RBM5: variants seen among roughly 807,000 people sequenced by gnomAD.
RBM5 encodes the protein RNA binding motif protein 5.
Under a neutral mutation model 124.6 loss-of-function variants are expected in RBM5, and 15 were observed. That is an observed-to-expected ratio of 0.12 (90% CI 0.08 to 0.19). The LOEUF (loss-of-function observed/expected upper bound fraction) is 0.19, where lower values mean the gene tolerates loss of function less well. Ranked by LOEUF, RBM5 falls within the 10% of genes least tolerant of loss-of-function variation. The probability of loss-of-function intolerance (pLI) is 1.00; values close to 1 mark genes in which losing one functional copy is unlikely to be tolerated. For missense variants in RBM5, 580 were observed against 1,026.5 expected (o/e 0.57, Z 5.94); for synonymous variants, 337 against 361.2 (o/e 0.93, Z 0.76).
intron 4 of RBM5, 115 bp from the exon 5 acceptor site, chr3:50,099,867 C>G: frequency 1.2e-6 from 1 of 841,830 alleles, no homozygotes; most frequent in Non-Finnish European, 1.8e-6. Context: ...GACAGAGACT[C>G]CCATCTTAAA....
At chr3:50,089,432 G>A (rs1041085282) in intron 1 of RBM5, among the ~76,000 whole-genome samples, 1 of 152,208 alleles carries the variant, frequency 6.6e-6, no homozygotes, top group African/African-American at 2.4e-5. Context: ...GCCCATCTGC[G>A]GGTTTGGAAC....
Position 50,108,254 on chromosome 3 carries a change from T to TTA in RBM5, c.1143_1144insAT (p.Tyr382IlefsTer21). 6 of 1,613,528 alleles carry TTA rather than the reference T, an allele frequency of 3.7e-6. No individual in the cohort carries two copies. The highest frequency in any genetic ancestry group is 5.1e-6 in the Non-Finnish European group (6 of 1,179,450). ...CAGTATTCACAGGATTATCAGCAGTTTTATCAACAACAAGCTGGAGGATTG... is the reference window on the plus strand; with the variant it reads ...CAGTATTCACAGGATTATCAGCAGTTTATTATCAACAACAAGCTGGAGGATTG... On this transcript the variant is annotated frameshift_variant, in exon 14 of 25. Coordinates refer to ENST00000347869, the MANE Select transcript of RBM5 (RefSeq NM_005778.4). LOFTEE classifies it high-confidence loss of function.
chr3:50,093,326 C>T (rs968403163), intron 3 of RBM5, among the ~76,000 whole-genome samples: 3 of 151,578 alleles, frequency 2.0e-5, no homozygotes, highest in Admixed American at 6.6e-5. Context: ...ATAGTCCCAA[C>T]TACTCGGGAG....
intron 2 of RBM5, 92 bp downstream of exon 2, chr3:50,090,543 G>A: frequency 2.7e-6 from 4 of 1,468,890 alleles, no homozygotes; most frequent in Non-Finnish European, 3.8e-6. Context: ...ATATATGAGT[G>A]TTTTGCGCCA....
At chr3:50,108,189 G>C in intron 13 of RBM5, 42 bp downstream of exon 13, 1 of 1,601,912 alleles carries the variant, frequency 6.2e-7, no homozygotes, top group Non-Finnish European at 8.6e-7. Flanking sequence ...GTCTTGCAGA[G>C]TGTGTCTGAG....
chr3:50,094,156 A>ATT (rs145309164), intron 4 of RBM5: 152 of 165,478 alleles, frequency 9.2e-4, no homozygotes, highest in Middle Eastern at 2.8e-3. Context: ...ACTTTAAATA[A>ATT]TTTTTTTTTT....
At chr3:50,118,149 C>T (rs2091292503) in intron 24 of RBM5, 182 bp from the exon 25 acceptor site, 5 of 783,640 alleles carry the variant, frequency 6.4e-6, no homozygotes, top group Non-Finnish European at 9.8e-6. Context: ...TTCCGTAGCC[C>T]ATTTTATTCC....
At chr3:50,097,133 C>T (rs1021143706) in intron 4 of RBM5, among the ~76,000 whole-genome samples, 38 of 152,224 alleles carry the variant, frequency 2.5e-4, no homozygotes, top group African/African-American at 8.7e-4. Context: ...CGGTGGCTCA[C>T]GCCTGTAATC....
In RBM5 at chr3:50,092,178, T is replaced by C. The variant is rs139911215; in HGVS notation, c.153T>C (p.Tyr51=). 3 of 1,613,718 alleles carry C rather than the reference T, an allele frequency of 1.9e-6. No homozygotes were observed. The highest frequency in any genetic ancestry group is 1.7e-5 in the Admixed American group (1 of 59,976). Residue 51 remains tyrosine, a synonymous_variant, in exon 3 of 25, where the codon TAT becomes TAC. Transcript: ENST00000347869. ...GTGATGATCGGAGGGGTGATAGATA[T>C]GATGACTACCGAGACTATGACAGTC... is the stretch of plus-strand genomic sequence containing the variant. ...RSSDDRRGDR[Y]DDYRDYDSPE...
chr3:50,118,032 C>A, intron 24 of RBM5: 1 of 422,062 alleles, frequency 2.4e-6, no homozygotes. Flanking sequence ...CCTGTAATTA[C>A]CATACCTTTC....
At chr3:50,093,976 G>C in intron 4 of RBM5, 101 bp downstream of exon 4, 1 of 1,352,390 alleles carries the variant, frequency 7.4e-7, no homozygotes, top group Non-Finnish European at 1.0e-6. Flanking sequence ...TAAGCCAATA[G>C]AGGTTGAGTA....
In RBM5 at chr3:50,092,133, C is replaced by G; in HGVS notation, c.108C>G (p.Asp36Glu). ...GTGAATCCCGAAGCAGGCGGAGGGACTCAGATTACAAAAGATCTAGTGATG... is the reference window on the plus strand; with the variant it reads ...GTGAATCCCGAAGCAGGCGGAGGGAGTCAGATTACAAAAGATCTAGTGATG... ...DERESRSRRR[D>E]SDYKRSSDDR... is the part of the protein sequence containing the mutation. The change falls in exon 3 of 25, where the codon GAC (aspartate) becomes GAG (glutamate). Residue 36 changes from aspartate to glutamate, a missense_variant. Physicochemically the swap from Asp to Glu is conservative, Grantham distance 45. This residue lies in a region of RBM5 where 99 missense variants were observed against 121.1 expected (regional missense o/e 0.82). Coordinates refer to ENST00000347869, the MANE Select transcript of RBM5 (RefSeq NM_005778.4). 6.2e-7 allele frequency: 1 copy of G among 1,613,946 alleles called. No homozygotes were observed. Among genetic ancestry groups the G allele is most frequent in the Non-Finnish European group, 8.5e-7 (1 of 1,179,970 alleles).
At chr3:50,090,080 C>T in intron 1 of RBM5, 9 of 209,820 alleles carry the variant, frequency 4.3e-5, no homozygotes, top group Non-Finnish European at 6.9e-5. Context: ...GCCCTTTTTG[C>T]TTTGTAATTC....
intron 12 of RBM5, 36 bp downstream of exon 12, chr3:50,107,605 G>C (rs949693724): frequency 1.1e-5 from 16 of 1,492,922 alleles, no homozygotes; most frequent in Non-Finnish European, 1.4e-5. Context: ...AGGTAGTGTG[G>C]TGGTGGTGCC....
In RBM5 at chr3:50,118,693, G is replaced by T. The variant is rs1042391683; in HGVS notation, c.*237G>T. 5.1e-5 allele frequency: 30 copies of T among 591,548 alleles called. No homozygotes were observed. The highest frequency in any genetic ancestry group is 8.3e-5 in the Non-Finnish European group (28 of 338,542). 36.6% of individuals were successfully genotyped at this position (591,548 alleles called of 1,614,324 possible). On this transcript the variant is annotated 3_prime_UTR_variant, in exon 25 of 25. Coordinates refer to ENST00000347869, the MANE Select transcript of RBM5 (RefSeq NM_005778.4). Reference sequence around the variant, plus strand: ...TGTGAACAGACCGGAGAGGACAGTGGATTGTTTATACTCCAGTGTACATAG... The same window carrying T: ...TGTGAACAGACCGGAGAGGACAGTGTATTGTTTATACTCCAGTGTACATAG...
At chr3:50,111,594 C>T (rs1336741159) in intron 17 of RBM5, among the ~76,000 whole-genome samples, 5 of 152,110 alleles carry the variant, frequency 3.3e-5, no homozygotes, top group Middle Eastern at 3.4e-3. Context: ...AGGCTGGTCT[C>T]GAACTCCTGA....
At chr3:50,114,873 A>C (rs1284479576) in intron 20 of RBM5, 5 of 153,076 alleles carry the variant, frequency 3.3e-5, no homozygotes, top group African/African-American at 1.2e-4. Context: ...AAAAAAAAAA[A>C]AAACAAAAAC....
In RBM5 at chr3:50,104,302, A is replaced by G; in HGVS notation, c.622A>G (p.Lys208Glu). The change falls in exon 8 of 25, where the codon AAG becomes GAG. Residue 208 changes from lysine to glutamate, a missense_variant. Physicochemically the swap from Lys to Glu is moderately conservative, Grantham distance 56 (BLOSUM62 1). Transcript: ENST00000347869. Reference protein sequence around the residue: ...RLKCFRCGADKFDSEQEVPPG... With the variant: ...RLKCFRCGADEFDSEQEVPPG... ...AAAATGCTTCCGATGTGGAGCAGAC[A>G]AGTTTGGTAAGACTGGATTCAGCTG... 6.2e-7 allele frequency: 1 copy of G among 1,614,018 alleles called. No individual in the cohort carries two copies. Among genetic ancestry groups the G allele is most frequent in the Non-Finnish European group, 8.5e-7 (1 of 1,179,898 alleles).
intron 14 of RBM5, 76 bp from the exon 15 acceptor site, chr3:50,109,527 T>C (rs982386683): frequency 1.5e-5 from 18 of 1,162,486 alleles, no homozygotes; most frequent in Non-Finnish European, 2.3e-5. Flanking sequence ...GAAGGCTAGA[T>C]TGGGCATTAC....
Sources: gnomAD v4.1 joint callset for allele counts (sites outside exome capture counted in the v4.1 genomes callset) on GRCh38, gnomAD v4.1.1 for gene constraint, gnomAD v4.1.1 regional missense constraint, MANE v1.5 for transcripts, NCBI Gene and HGNC (gene_info 2026-07-23, HGNC 2026-07-21) for gene names.